The following TULP4 variants were observed in gnomAD, a reference collection of about 807,000 sequenced individuals.
TULP4 encodes the protein tubby-related protein 4.
Under a neutral mutation model 129.0 loss-of-function variants are expected in TULP4, and 16 were observed. That is an observed-to-expected ratio of 0.12 (90% CI 0.08 to 0.19). The LOEUF is 0.19. Among genes scored for constraint, TULP4 ranks in the 10% least tolerant of loss-of-function variants. The pLI, the probability that TULP4 is intolerant of heterozygous loss-of-function variation, is 1.00. For missense variants in TULP4, 1,842 were observed against 2,059.1 expected (o/e 0.89, Z 2.04); for synonymous variants, 998 against 854.0 (o/e 1.17, Z -2.94).
rs557678837 is a variant in TULP4, at chr6:158,427,471, C to CTTTTTTTTTTTT, written c.382-2235_382-2224dup. 1.1e-3 allele frequency among the ~76,000 whole-genome samples: 78 copies of CTTTTTTTTTTTT among 74,136 alleles called. 18 individuals are homozygous for CTTTTTTTTTTTT. The highest frequency in any genetic ancestry group is 1.3e-3 in the African/African-American group (21 of 16,112). The allele number at this position is 74,136 out of a possible 152,430, so 48.6% of individuals were successfully genotyped here. Reference sequence around the variant, plus strand: ...AAATTCCTTTTCAAAATTATCAGACCTTTTTTTTTTTTTTTTTTTTTTTTT... The same window carrying CTTTTTTTTTTTT: ...AAATTCCTTTTCAAAATTATCAGACCTTTTTTTTTTTTTTTTTTTTTTTTTTTTTTTTTTTTT... On this transcript the variant is annotated intron_variant, in intron 2 of 13. Transcript: ENST00000367097.
In TULP4 at chr6:158,481,232, A is replaced by G. The variant is rs1195890495; in HGVS notation, c.1429A>G (p.Ile477Val). ...TGTGCCCATCCTCAAAGGGCGGCGC[A>G]TCAGCAAGCTGCGGCCAGAGTTCGT... Reference protein sequence around the residue: ...GLVPILKGRRISKLRPEFVIM... With the variant: ...GLVPILKGRRVSKLRPEFVIM... Residue 477 changes from isoleucine (I) to valine (V), a missense_variant, in exon 8 of 14, where the codon ATC (isoleucine) becomes GTC (valine). This residue lies in a region of TULP4 where 456 missense variants were observed against 534.3 expected (regional missense o/e 0.85). Coordinates refer to ENST00000367097, the MANE Select transcript of TULP4 (RefSeq NM_020245.5). 6.2e-7 allele frequency: 1 copy of G among 1,614,236 alleles called. No homozygotes were observed. The highest frequency in any genetic ancestry group is 1.7e-5 in the Admixed American group (1 of 60,030).
rs1254427598 is a variant in TULP4, at chr6:158,461,603, A to C, written c.900A>C (p.Ala300=). 6.2e-7 allele frequency: 1 copy of C among 1,613,874 alleles called. No individual in the cohort carries two copies. Among genetic ancestry groups the C allele is most frequent in the South Asian group, 1.1e-5 (1 of 91,072 alleles). ...GGTGCACACAGGGGGACTTGCTGGC[A>C]GTCGCTGGGATGGAACGGCAGACCC... The part of the protein sequence containing the change: ...AQWCTQGDLL[A]VAGMERQTQL... The change falls in exon 6 of 14, where the codon GCA becomes GCC. Residue 300 remains alanine (A), a synonymous_variant. Coordinates refer to ENST00000367097, the MANE Select transcript of TULP4 (RefSeq NM_020245.5).
chr6:158,456,833 C>CAAAAAAAAAAAA (rs11354887), intron 5 of TULP4, among the ~76,000 whole-genome samples: 1 of 126,054 alleles, frequency 7.9e-6, no homozygotes, highest in Non-Finnish European at 1.7e-5. Flanking sequence ...GACTCCATCT[C>CAAAAAAAAAAAA]AAAAAAAAAA....
chr6:158,432,942 GAATA>G (rs1326829613), intron 3 of TULP4, among the ~76,000 whole-genome samples: 2 of 152,178 alleles, frequency 1.3e-5, no homozygotes, highest in African/African-American at 4.8e-5. Context: ...TGTTTCCTGA[GAATA>G]AAGCCTTTCA....
intron 6 of TULP4, among the ~76,000 whole-genome samples, chr6:158,466,152 T>C (rs1288224209): frequency 3.9e-5 from 6 of 152,202 alleles, no homozygotes; most frequent in African/African-American, 1.4e-4. Context: ...AAATTCCAGA[T>C]GGGAGGGAGT....
chr6:158,239,952 C>G (rs1189734046), intron 1 of TULP4, among the ~76,000 whole-genome samples: 113 of 85,838 alleles, frequency 1.3e-3, no homozygotes, highest in African/African-American at 3.8e-3. Flanking sequence ...GCTGACCCCC[C>G]CCACCTCCCT....
chr6:158,459,492 A>G (rs1166032454), intron 5 of TULP4, among the ~76,000 whole-genome samples: 1 of 151,632 alleles, frequency 6.6e-6, no homozygotes, highest in Non-Finnish European at 1.5e-5. Context: ...TTCTTGCCTC[A>G]GATAGATAGC....
intron 1 of TULP4, among the ~76,000 whole-genome samples, chr6:158,317,980 C>G (rs971303221): frequency 6.6e-6 from 1 of 152,124 alleles, no homozygotes; most frequent in Non-Finnish European, 1.5e-5. Context: ...CTGTTCATAT[C>G]CTTTGCCCAC....
At chr6:158,504,211 C>A in intron 13 of TULP4, 33 bp downstream of exon 13, 1 of 1,486,946 alleles carries the variant, frequency 6.7e-7, no homozygotes. Context: ...GCTGCGAGCC[C>A]AGGAGGCGAG....
chr6:158,339,789 C>T (rs1227656921), intron 1 of TULP4, among the ~76,000 whole-genome samples: 2 of 152,150 alleles, frequency 1.3e-5, no homozygotes, highest in Non-Finnish European at 2.9e-5. Context: ...ATTGTTCAAA[C>T]ACACATGCTC....
chr6:158,425,873 C>T (rs559479927), intron 2 of TULP4, among the ~76,000 whole-genome samples: 16 of 152,246 alleles, frequency 1.1e-4, no homozygotes, highest in African/African-American at 1.4e-4. Context: ...GGATTATAGG[C>T]GTGAGCCACC....
At chr6:158,361,132 T>G (rs143717519) in intron 1 of TULP4, among the ~76,000 whole-genome samples, 1 of 152,348 alleles carries the variant, frequency 6.6e-6, no homozygotes, top group African/African-American at 2.4e-5. Context: ...AAAGTTGATG[T>G]AGAATTGCTT....
At chr6:158,399,615 G>T (rs1196055328) in intron 1 of TULP4, among the ~76,000 whole-genome samples, 1 of 152,208 alleles carries the variant, frequency 6.6e-6, no homozygotes, top group Admixed American at 6.5e-5. Flanking sequence ...AAGTCCAGCT[G>T]CTGGGAGATC....
chr6:158,366,761 A>G (rs191682455), intron 1 of TULP4, among the ~76,000 whole-genome samples: 1 of 152,202 alleles, frequency 6.6e-6, no homozygotes, highest in Non-Finnish European at 1.5e-5. Flanking sequence ...ATAGTGAGTG[A>G]TACGTAAAAC....
intron 1 of TULP4, among the ~76,000 whole-genome samples, chr6:158,380,873 G>A (rs577854597): frequency 3.1e-4 from 37 of 119,618 alleles, no homozygotes; most frequent in African/African-American, 1.0e-3. Context: ...CAGCCTGGGC[G>A]ACAGAGCAAG....
chr6:158,444,033 C>CA (rs1778967093), intron 3 of TULP4, among the ~76,000 whole-genome samples: 1 of 151,634 alleles, frequency 6.6e-6, no homozygotes, highest in Admixed American at 6.6e-5. Flanking sequence ...TCCTGGCTAA[C>CA]ACGGTGAAAC....
intron 12 of TULP4, among the ~76,000 whole-genome samples, chr6:158,499,329 C>T (rs777310038): frequency 1.2e-4 from 19 of 152,130 alleles, no homozygotes; most frequent in Non-Finnish European, 2.5e-4. Flanking sequence ...TCTCTTCCAC[C>T]GCAACCGCAT....
intron 1 of TULP4, among the ~76,000 whole-genome samples, chr6:158,345,736 A>C (rs975538616): frequency 6.6e-6 from 1 of 152,192 alleles, no homozygotes; most frequent in Non-Finnish European, 1.5e-5. Context: ...CGGTGCACGT[A>C]TTGTCTTGAT....
chr6:158,309,535 C>G (rs1056954051), upstream of TULP4, among the ~76,000 whole-genome samples: 1 of 151,998 alleles, frequency 6.6e-6, no homozygotes, highest in African/African-American at 2.4e-5. Flanking sequence ...GAGGCCAAGG[C>G]AGGCGGCTGG....
Sources: gnomAD v4.1 joint callset for allele counts (sites outside exome capture counted in the v4.1 genomes callset) on GRCh38, gnomAD v4.1.1 for gene constraint, gnomAD v4.1.1 regional missense constraint, MANE v1.5 for transcripts, NCBI Gene and HGNC (gene_info 2026-07-23, HGNC 2026-07-21) for gene names.